Variants in FANCC observed in about 807,000 individuals in gnomAD.
The protein encoded by FANCC is FA complementation group C.
FANCC carries 55 observed loss-of-function variants against 71.3 expected under a neutral mutation model. The ratio of observed to expected loss-of-function variants is 0.77; its 90% CI spans 0.62 to 0.97. The LOEUF is 0.97. Ranked by LOEUF, FANCC falls within the 50% of genes least tolerant of loss-of-function variation. The pLI, the probability that FANCC is intolerant of heterozygous loss-of-function variation, is 0.00. For missense variants in FANCC, 678 were observed against 670.9 expected (o/e 1.01, Z -0.12); for synonymous variants, 275 against 244.9 (o/e 1.12, Z -1.15).
At chr9:95,183,000 G>A (rs561129310) in intron 4 of FANCC, among the ~76,000 whole-genome samples, 60 of 152,184 alleles carry the variant, frequency 3.9e-4, no homozygotes, top group African/African-American at 1.4e-3. Flanking sequence ...CAGCCCGCCT[G>A]CGCAAACTCA....
At chr9:95,305,431 G>GTCCTA (rs1200602689) in intron 1 of FANCC, among the ~76,000 whole-genome samples, 14 of 152,186 alleles carry the variant, frequency 9.2e-5, no homozygotes, top group Non-Finnish European at 1.0e-4. Flanking sequence ...TTGAATGCTT[G>GTCCTA]TCCTACCTTG....
intron 4 of FANCC, among the ~76,000 whole-genome samples, chr9:95,199,912 T>C (rs905425601): frequency 6.6e-6 from 1 of 152,206 alleles, no homozygotes; most frequent in African/African-American, 2.4e-5. Context: ...ATGAACCTTC[T>C]TTGTTTCTTA....
intron 4 of FANCC, among the ~76,000 whole-genome samples, chr9:95,181,327 T>C (rs1588237316): frequency 6.6e-6 from 1 of 152,132 alleles, no homozygotes; most frequent in South Asian, 2.1e-4. Context: ...GGCCAGTATA[T>C]GGTTACGTAG....
intron 10 of FANCC, among the ~76,000 whole-genome samples, chr9:95,119,303 A>G (rs906173606): frequency 5.3e-5 from 8 of 151,714 alleles, no homozygotes; most frequent in African/African-American, 1.7e-4. Flanking sequence ...TTGTATACAT[A>G]TATTACAAAT....
intron 8 of FANCC, among the ~76,000 whole-genome samples, chr9:95,131,934 A>G (rs552301950): frequency 6.6e-6 from 1 of 152,320 alleles, no homozygotes; most frequent in East Asian, 1.9e-4. Context: ...ATTGAGGAGG[A>G]TACTGAGGTA....
chr9:95,279,727 C>T (rs909655721), intron 1 of FANCC, among the ~76,000 whole-genome samples: 2 of 152,074 alleles, frequency 1.3e-5, no homozygotes, highest in African/African-American at 4.8e-5. Flanking sequence ...GTGGGTGGAT[C>T]ACTTGAGGTC....
At chr9:95,216,171 A>C (rs1425323218) in intron 4 of FANCC, among the ~76,000 whole-genome samples, 2 of 152,186 alleles carry the variant, frequency 1.3e-5, no homozygotes, top group African/African-American at 4.8e-5. Context: ...AATCAAAAGA[A>C]AACTGTTATT....
rs55934436 is a variant in FANCC, at chr9:95,107,737, G to C, written c.1330-468C>G. ...TGGGGGTCAGGGCGGGGGGTCGGGG[G>C]GAACACACACACATGCACGCACGTG... On this transcript the variant is annotated intron_variant, in intron 13 of 14. Transcript: ENST00000289081. Among the ~76,000 whole-genome samples, 581 of 152,130 alleles carry C rather than the reference G, an allele frequency of 3.8e-3. 2 individuals are homozygous for C. Among genetic ancestry groups the C allele is most frequent in the African/African-American group, 0.013 (557 of 41,488 alleles).
At chr9:95,172,193 C>T (rs982169619) in intron 4 of FANCC, 46 bp from the exon 5 acceptor site, 1 of 1,272,102 alleles carries the variant, frequency 7.9e-7, no homozygotes, top group African/African-American at 1.5e-5. Flanking sequence ...AAAGTAAATG[C>T]AAGTGCCTTT....
intron 1 of FANCC, among the ~76,000 whole-genome samples, chr9:95,309,386 C>T (rs1835252346): frequency 6.6e-6 from 1 of 152,136 alleles, no homozygotes; most frequent in African/African-American, 2.4e-5. Context: ...CGGCTTCAAG[C>T]AAAAGCAGCA....
chr9:95,114,729 A>G lies in FANCC; in HGVS notation c.1073-19T>C. On this transcript the variant is annotated intron_variant, in intron 11 of 14. Coordinates refer to ENST00000289081, the MANE Select transcript of FANCC (RefSeq NM_000136.3). ...GGGATATCTGCGGGTGGAGAGAGAT[A>G]CGTCAGAGGGCAACTGAGGAAATGT... is the stretch of plus-strand genomic sequence containing the variant. The G allele has an allele frequency of 1.2e-6, 2 of 1,608,654 alleles. No homozygotes were observed. The highest frequency in any genetic ancestry group is 1.7e-6 in the Non-Finnish European group (2 of 1,174,984).
chr9:95,308,688 A>T (rs1478103029), intron 1 of FANCC, among the ~76,000 whole-genome samples: 1 of 152,178 alleles, frequency 6.6e-6, no homozygotes. Context: ...CTAGACTTAA[A>T]TTATTTTAAA....
At chr9:95,107,904 G>A (rs2071584563) in intron 13 of FANCC, among the ~76,000 whole-genome samples, 6 of 152,220 alleles carry the variant, frequency 3.9e-5, no homozygotes, top group Admixed American at 3.9e-4. Flanking sequence ...GTAATTATAA[G>A]TCTGCAGGTT....
At position 95,305,517 on chromosome 9, in the gene FANCC, A is replaced by G. The variant is rs542005104; in HGVS notation, c.-79+12009T>C. On this transcript the variant is annotated intron_variant, in intron 1 of 14. Transcript: ENST00000289081. ...ATAAAATTCCTTCCCTAAATGCAGC[A>G]TTCTAAAATGTCACACTAATACAAT... is the stretch of plus-strand genomic sequence containing the variant. 3.9e-5 allele frequency among the ~76,000 whole-genome samples: 6 copies of G among 152,336 alleles called. No homozygotes were observed. The South Asian group carries it at 6.2e-4, about 16-fold the overall frequency.
chr9:95,276,957 T>C (rs1012257264), intron 1 of FANCC, among the ~76,000 whole-genome samples: 3 of 152,236 alleles, frequency 2.0e-5, no homozygotes, highest in Admixed American at 1.3e-4. Context: ...AAAAACATCA[T>C]TCTATTTATA....
At chr9:95,192,738 G>A (rs551227433) in intron 4 of FANCC, among the ~76,000 whole-genome samples, 14 of 152,292 alleles carry the variant, frequency 9.2e-5, no homozygotes, top group African/African-American at 3.4e-4. Context: ...CTTGGATCTT[G>A]CAGAAATGAC....
intron 1 of FANCC, among the ~76,000 whole-genome samples, chr9:95,250,516 G>C (rs1315916130): frequency 2.0e-5 from 3 of 152,174 alleles, no homozygotes; most frequent in Non-Finnish European, 2.9e-5. Context: ...ATGTTCACTT[G>C]GGCAGCACAC....
At chr9:95,245,372 C>T (rs1400704690) in intron 3 of FANCC, among the ~76,000 whole-genome samples, 3 of 151,722 alleles carry the variant, frequency 2.0e-5, no homozygotes, top group East Asian at 3.9e-4. Context: ...TTATCAATGG[C>T]GGAAATATTC....
At chr9:95,202,421 G>C (rs973934067) in intron 4 of FANCC, among the ~76,000 whole-genome samples, 1 of 152,148 alleles carries the variant, frequency 6.6e-6, no homozygotes. Context: ...CACAGGTTAG[G>C]AGTGAGGCAG....
Sources: gnomAD v4.1 joint callset for allele counts (sites outside exome capture counted in the v4.1 genomes callset) on GRCh38, gnomAD v4.1.1 for gene constraint, MANE v1.5 for transcripts, NCBI Gene and HGNC (gene_info 2026-07-23, HGNC 2026-07-21) for gene names.